The following ZFP82 variants were observed in gnomAD, a reference collection of about 807,000 sequenced individuals.
The protein encoded by ZFP82 is zinc finger protein 82 homolog.
ZFP82 carries 30 observed loss-of-function variants against 54.0 expected under a neutral mutation model. The observed-to-expected ratio is 0.56, with a 90% CI of 0.42 to 0.75. The LOEUF (loss-of-function observed/expected upper bound fraction) is 0.75, where lower values mean the gene tolerates loss of function less well. ZFP82 is among the 30% of genes least tolerant of loss of function. ZFP82 has a pLI of 0.00. For missense variants in ZFP82, 500 were observed against 636.8 expected (o/e 0.79, Z 2.31); for synonymous variants, 194 against 209.5 (o/e 0.93, Z 0.64).
intron 1 of ZFP82, among the ~76,000 whole-genome samples, chr19:36,410,377 G>A (rs1336202464): frequency 6.6e-6 from 1 of 152,060 alleles, no homozygotes; most frequent in Non-Finnish European, 1.5e-5. Flanking sequence ...TTGGTCATTT[G>A]ACAATAACAA....
chr19:36,417,543 C>T (rs1323679378), intron 1 of ZFP82, among the ~76,000 whole-genome samples: 3 of 152,170 alleles, frequency 2.0e-5, no homozygotes, highest in Non-Finnish European at 4.4e-5. Context: ...TTCCTCCTCC[C>T]GCTCGGACCC....
intron 2 of ZFP82, 94 bp downstream of exon 2, chr19:36,409,687 T>G: frequency 7.3e-7 from 1 of 1,371,828 alleles, no homozygotes; most frequent in Non-Finnish European, 1.0e-6. Context: ...AGAAGGTTCT[T>G]GGATGGAGCT....
intron 1 of ZFP82, among the ~76,000 whole-genome samples, chr19:36,410,750 C>T (rs2032565831): frequency 1.3e-5 from 2 of 152,036 alleles, no homozygotes; most frequent in South Asian, 4.2e-4. Context: ...ATCCGCCCGC[C>T]TCGGCATCCC....
At chr19:36,413,221 G>A (rs1055071686) in intron 1 of ZFP82, among the ~76,000 whole-genome samples, 15 of 152,150 alleles carry the variant, frequency 9.9e-5, no homozygotes, top group African/African-American at 3.4e-4. Flanking sequence ...GACTAGCCTC[G>A]CCAACATGAC....
At chr19:36,414,584 G>A (rs957586823) in intron 1 of ZFP82, among the ~76,000 whole-genome samples, 7 of 151,678 alleles carry the variant, frequency 4.6e-5, no homozygotes, top group East Asian at 2.0e-4. Context: ...GGATGGTCTC[G>A]ATCTCCTGAC....
At chr19:36,385,740 T>G (rs1397458417), downstream of ZFP82, among the ~76,000 whole-genome samples, 1 of 152,218 alleles carries the variant, frequency 6.6e-6, no homozygotes, top group African/African-American at 2.4e-5. Context: ...GCCATCCTTA[T>G]TAGAAATTAA....
intron 1 of ZFP82, among the ~76,000 whole-genome samples, chr19:36,413,580 G>A (rs1322377090): frequency 6.6e-6 from 1 of 152,044 alleles, no homozygotes; most frequent in African/African-American, 2.4e-5. Flanking sequence ...ACTAGCTATG[G>A]GAGTCAGACT....
At chr19:36,409,502 G>A (rs1276349769) in intron 2 of ZFP82, among the ~76,000 whole-genome samples, 4 of 152,132 alleles carry the variant, frequency 2.6e-5, no homozygotes, top group African/African-American at 9.7e-5. Context: ...TGGGCCCATG[G>A]TCAAATATTT....
downstream of ZFP82, among the ~76,000 whole-genome samples, chr19:36,384,667 G>C (rs1461988988): frequency 6.6e-6 from 1 of 152,162 alleles, no homozygotes; most frequent in Non-Finnish European, 1.5e-5. Flanking sequence ...CATAGTTTCA[G>C]AAATTTTGAG....
At chr19:36,409,630 A>G in intron 2 of ZFP82, 151 bp downstream of exon 2, 1 of 753,808 alleles carries the variant, frequency 1.3e-6, no homozygotes, top group Non-Finnish European at 2.3e-6. Flanking sequence ...GAGTGTTCAT[A>G]GGACAAGCAT....
intron 1 of ZFP82, among the ~76,000 whole-genome samples, chr19:36,410,646 G>C (rs1267911978): frequency 6.6e-6 from 1 of 151,870 alleles, no homozygotes; most frequent in African/African-American, 2.4e-5. Context: ...GGGACTACAG[G>C]CACGCACCAC....
Position 36,392,447 on chromosome 19 carries a change from C to T in ZFP82, c.*294G>A. 1 of 270,394 alleles carries T rather than the reference C, an allele frequency of 3.7e-6. No homozygotes were observed. The highest frequency in any genetic ancestry group is 4.7e-5 in the Admixed American group (1 of 21,080). 16.7% of individuals were successfully genotyped at this position (270,394 alleles called of 1,614,324 possible). On this transcript the variant is annotated 3_prime_UTR_variant, in exon 5 of 5. Transcript: ENST00000392161. ...TCAAACTGCTGCACTCTTATATGAC[C>T]ATGTCATAAATTAAAAAATTATAGC...
downstream of ZFP82, among the ~76,000 whole-genome samples, chr19:36,388,488 G>A (rs1472169170): frequency 2.0e-5 from 3 of 151,182 alleles, no homozygotes; most frequent in Non-Finnish European, 4.4e-5. Context: ...TTGGTATCTG[G>A]GGTCAACTTT....
At chr19:36,398,480 T>C (rs2032333205) in intron 4 of ZFP82, among the ~76,000 whole-genome samples, 1 of 149,500 alleles carries the variant, frequency 6.7e-6, no homozygotes, top group Non-Finnish European at 1.5e-5. Flanking sequence ...GAGGTTGCAA[T>C]GAGCCAAGAT....
intron 3 of ZFP82, 86 bp from the exon 4 acceptor site, chr19:36,405,758 T>A: frequency 1.1e-6 from 1 of 916,346 alleles, no homozygotes; most frequent in Non-Finnish European, 1.6e-6. Context: ...AAAGTATATG[T>A]CAAAACAGTA....
rs548124353 is a variant in ZFP82, at chr19:36,389,569, A to G, written c.*3172T>C. 6.6e-6 allele frequency among the ~76,000 whole-genome samples: 1 copy of G among 152,266 alleles called. No individual in the cohort carries two copies. Among genetic ancestry groups the G allele is most frequent in the South Asian group, 2.1e-4 (1 of 4,826 alleles). ...AAATACCTCAGTATGAATCTCTAAC[A>G]CTTAAGGACTCATACACATATACCC... On this transcript the variant is annotated 3_prime_UTR_variant, in exon 5 of 5. Coordinates refer to ENST00000392161, the MANE Select transcript of ZFP82 (RefSeq NM_133466.4).
downstream of ZFP82, among the ~76,000 whole-genome samples, chr19:36,385,116 G>C (rs988955816): frequency 1.1e-4 from 17 of 152,172 alleles, no homozygotes; most frequent in African/African-American, 4.1e-4. Context: ...GAGGTGATTA[G>C]GCCATGAGGA....
rs1170792520 is a variant in ZFP82, at chr19:36,388,719, G to C, written c.*4022C>G. 6.6e-6 allele frequency among the ~76,000 whole-genome samples: 1 copy of C among 151,938 alleles called. No homozygotes were observed. Among genetic ancestry groups the C allele is most frequent in the East Asian group, 1.9e-4 (1 of 5,192 alleles). ...GTTCTTTTCAAAGAGAATATCCTTA[G>C]TCTGTTATTTTATTAACTATTCCAT... On this transcript the variant is annotated 3_prime_UTR_variant, in exon 5 of 5. Transcript: ENST00000392161.
chr19:36,393,955 C>A lies in ZFP82; in HGVS notation c.385G>T (p.Gly129Ter). The change falls in exon 5 of 5, where the codon GGA (glycine) becomes TGA (stop). Residue 129 changes from glycine (G) to a stop codon, truncating the protein, a stop_gained. Coordinates refer to ENST00000392161, the MANE Select transcript of ZFP82 (RefSeq NM_133466.4). LOFTEE classifies it high-confidence loss of function. ...TATCCTTCTTGAGGTCTCTCCTGTC[C>A]TTCAATTTTTCCTGTGGATTCCCAA... ...NDWESTGKIE[G>*]QERPQEGYFS... 6.2e-7 allele frequency: 1 copy of A among 1,613,922 alleles called. No individual in the cohort carries two copies. Among genetic ancestry groups the A allele is most frequent in the Non-Finnish European group, 8.5e-7 (1 of 1,179,944 alleles).
Sources: allele counts gnomAD v4.1 joint callset (sites outside exome capture counted in the v4.1 genomes callset), GRCh38; gene constraint gnomAD v4.1.1; transcripts MANE v1.5; gene names NCBI Gene and HGNC (gene_info 2026-07-23, HGNC 2026-07-21).